HS6ST3: variants seen among roughly 807,000 people sequenced by gnomAD.
HS6ST3 encodes heparan sulfate 6-O-sulfotransferase 3, also known as heparan-sulfate 6-O-sulfotransferase 3.
Under a neutral mutation model 36.7 loss-of-function variants are expected in HS6ST3, and 12 were observed. That is an observed-to-expected ratio of 0.33 (90% CI 0.21 to 0.53). The LOEUF is 0.53. Ranked by LOEUF, HS6ST3 falls within the 20% of genes least tolerant of loss-of-function variation. The pLI is 0.95. For synonymous variants in HS6ST3, 240 were observed against 257.5 expected, an observed-to-expected ratio of 0.93 and a Z score of 0.65; for missense variants, 584 against 640.9, an observed-to-expected ratio of 0.91 and a Z score of 0.96.
At chr13:96,265,519 G>A (rs1364034842) in intron 1 of HS6ST3, among the ~76,000 whole-genome samples, 2 of 152,046 alleles carry the variant, frequency 1.3e-5, no homozygotes, top group Non-Finnish European at 2.9e-5. Context: ...AGCATCCCTT[G>A]TAACACTCCA....
intron 1 of HS6ST3, among the ~76,000 whole-genome samples, chr13:96,366,969 G>C (rs538341169): frequency 6.6e-6 from 1 of 152,140 alleles, no homozygotes; most frequent in East Asian, 1.9e-4. Flanking sequence ...TCCCTCCTTC[G>C]CCTTCTGCCG....
chr13:96,239,913 A>G (rs988181237), intron 1 of HS6ST3, among the ~76,000 whole-genome samples: 3 of 152,134 alleles, frequency 2.0e-5, no homozygotes, highest in African/African-American at 4.8e-5. Flanking sequence ...CCTTAATAGC[A>G]TCTTTAATGC....
chr13:96,654,870 T>C (rs1405397220), intron 1 of HS6ST3, among the ~76,000 whole-genome samples: 1 of 152,166 alleles, frequency 6.6e-6, no homozygotes, highest in East Asian at 1.9e-4. Context: ...GTATTACTTT[T>C]ACACATTCTA....
chr13:96,424,521 T>A (rs530243431), intron 1 of HS6ST3, among the ~76,000 whole-genome samples: 1 of 152,306 alleles, frequency 6.6e-6, no homozygotes, highest in African/African-American at 2.4e-5. Flanking sequence ...CTGGATAGCA[T>A]ACAAATGATA....
At chr13:96,129,700 T>C (rs916880603) in intron 1 of HS6ST3, among the ~76,000 whole-genome samples, 1 of 152,168 alleles carries the variant, frequency 6.6e-6, no homozygotes, top group Non-Finnish European at 1.5e-5. Context: ...TACCTCAGAG[T>C]GTGGCCTTAT....
At chr13:96,207,318 A>C (rs1435618032) in intron 1 of HS6ST3, among the ~76,000 whole-genome samples, 1 of 152,062 alleles carries the variant, frequency 6.6e-6, no homozygotes, top group African/African-American at 2.4e-5. Context: ...ATGCTGGTTA[A>C]GGTTGCAGAG....
rs1417908957 is a variant in HS6ST3, at chr13:96,839,145, A to G, written c.*5947A>G. The G allele has an allele frequency of 6.6e-6, 1 of 152,222 alleles. No individual in the cohort carries two copies. The highest frequency in any genetic ancestry group is 1.5e-5 in the Non-Finnish European group (1 of 68,036). 9.4% of individuals were successfully genotyped at this position (152,222 alleles called of 1,614,324 possible). On this transcript the variant is annotated 3_prime_UTR_variant, in exon 2 of 2. Coordinates refer to ENST00000376705, the MANE Select transcript of HS6ST3 (RefSeq NM_153456.4). ...GAGGAGCAAAAGTTTTGTGTACTTCAGTAATTGTCACATGTGTCTTCCACC... is the reference window on the plus strand; with the variant it reads ...GAGGAGCAAAAGTTTTGTGTACTTCGGTAATTGTCACATGTGTCTTCCACC...
chr13:96,362,290 T>TAA (rs34993285), intron 1 of HS6ST3, among the ~76,000 whole-genome samples: 6 of 152,010 alleles, frequency 3.9e-5, no homozygotes, highest in South Asian at 2.1e-4. Context: ...TTTTTAAAAT[T>TAA]AAAAAAACTG....
At chr13:96,781,693 T>C (rs1191767463) in intron 1 of HS6ST3, among the ~76,000 whole-genome samples, 1 of 152,184 alleles carries the variant, frequency 6.6e-6, no homozygotes, top group Admixed American at 6.5e-5. Context: ...TGAAGCCCAA[T>C]TCAAAACAAC....
chr13:96,257,170 A>C lies in HS6ST3; in HGVS notation c.707+165601A>C, dbSNP rs72642957. 2.4e-3 allele frequency among the ~76,000 whole-genome samples: 371 copies of C among 152,280 alleles called. 1 individual carries two copies. Among genetic ancestry groups the C allele is most frequent in the Middle Eastern group, 0.01 (3 of 294 alleles). The stretch of plus-strand genomic sequence containing the variant: ...CTTAATAGTGCCAGTACTTAATGGT[A>C]CCAGGACCTTGAGATTAATGGGTTT... On this transcript the variant is annotated intron_variant, in intron 1 of 1. Coordinates refer to ENST00000376705, the MANE Select transcript of HS6ST3 (RefSeq NM_153456.4).
chr13:96,483,789 G>GT (rs1566373916), intron 1 of HS6ST3, among the ~76,000 whole-genome samples: 1 of 152,130 alleles, frequency 6.6e-6, no homozygotes, highest in Non-Finnish European at 1.5e-5. Flanking sequence ...ATTATGGTTA[G>GT]TGTTCAGAAT....
chr13:96,205,368 C>T (rs1031496356), intron 1 of HS6ST3, among the ~76,000 whole-genome samples: 3 of 152,018 alleles, frequency 2.0e-5, no homozygotes, highest in Admixed American at 2.0e-4. Flanking sequence ...CCAGGATCAT[C>T]CAGATTCACA....
chr13:96,820,863 G>A (rs1878519308), intron 1 of HS6ST3, among the ~76,000 whole-genome samples: 1 of 152,202 alleles, frequency 6.6e-6, no homozygotes. Context: ...AACCTTCTCT[G>A]AACACTTTTC....
At chr13:96,513,862 G>A (rs1456042992) in intron 1 of HS6ST3, among the ~76,000 whole-genome samples, 1 of 151,964 alleles carries the variant, frequency 6.6e-6, no homozygotes, top group African/African-American at 2.4e-5. Context: ...GAGATGCAAT[G>A]AGAAGGAGAC....
At chr13:96,192,056 C>T (rs1487868423) in intron 1 of HS6ST3, among the ~76,000 whole-genome samples, 1 of 152,152 alleles carries the variant, frequency 6.6e-6, no homozygotes, top group African/African-American at 2.4e-5. Flanking sequence ...GTAATTTACC[C>T]AGTGCATACT....
At chr13:96,552,393 C>T (rs1182624074) in intron 1 of HS6ST3, among the ~76,000 whole-genome samples, 10 of 152,160 alleles carry the variant, frequency 6.6e-5, no homozygotes, top group African/African-American at 9.7e-5. Context: ...GAAGGTGACA[C>T]GCTGTTCTGG....
At chr13:96,179,889 G>T (rs1033426910) in intron 1 of HS6ST3, among the ~76,000 whole-genome samples, 6 of 152,052 alleles carry the variant, frequency 3.9e-5, no homozygotes, top group Non-Finnish European at 7.4e-5. Flanking sequence ...GAGTGCAGTG[G>T]CAGGATCTTG....
chr13:96,639,987 A>G (rs914939310), intron 1 of HS6ST3, among the ~76,000 whole-genome samples: 1 of 151,920 alleles, frequency 6.6e-6, no homozygotes, highest in South Asian at 2.1e-4. Context: ...GGTTGATTCC[A>G]TGTCTTTGCT....
chr13:96,622,063 TAC>T (rs1449255016), intron 1 of HS6ST3, among the ~76,000 whole-genome samples: 1 of 152,188 alleles, frequency 6.6e-6, no homozygotes, highest in East Asian at 1.9e-4. Context: ...CCTTGGAAAC[TAC>T]ACAGTTAAGA....
Sources: gnomAD v4.1 joint callset for allele counts (sites outside exome capture counted in the v4.1 genomes callset) on GRCh38, gnomAD v4.1.1 for gene constraint, MANE v1.5 for transcripts, NCBI Gene and HGNC (gene_info 2026-07-23, HGNC 2026-07-21) for gene names.